MYRIP: variants seen among roughly 807,000 people sequenced by gnomAD.
The protein encoded by MYRIP is myosin VIIA and Rab interacting protein.
Under a neutral mutation model 98.0 loss-of-function variants are expected in MYRIP, and 49 were observed. The observed-to-expected ratio is 0.50, with a 90% confidence interval of 0.40 to 0.63. The LOEUF is 0.63. Among genes scored for constraint, MYRIP ranks in the 30% least tolerant of loss-of-function variants. The pLI, the probability that MYRIP is intolerant of heterozygous loss-of-function variation, is 0.00. For missense variants in MYRIP, 1,004 were observed against 1,058.2 expected (o/e 0.95, Z 0.71); for synonymous variants, 404 against 409.5 (o/e 0.99, Z 0.16).
intron 11 of MYRIP, among the ~76,000 whole-genome samples, chr3:40,230,745 G>T (rs1952628452): frequency 6.6e-6 from 1 of 152,054 alleles, no homozygotes; most frequent in African/African-American, 2.4e-5. Flanking sequence ...CTTTCCCAGT[G>T]GAAAGCAAAA....
intron 3 of MYRIP, among the ~76,000 whole-genome samples, chr3:40,052,382 G>A (rs1448008960): frequency 6.6e-6 from 1 of 152,086 alleles, no homozygotes; most frequent in Admixed American, 6.6e-5. Context: ...TCCACAGTAT[G>A]CTTTAGAGAT....
At chr3:39,872,443 C>T (rs1039353970) in intron 1 of MYRIP, among the ~76,000 whole-genome samples, 2 of 151,436 alleles carry the variant, frequency 1.3e-5, no homozygotes, top group Admixed American at 6.6e-5. Flanking sequence ...CCCATTAACT[C>T]GTCATTTAGC....
At chr3:40,143,047 C>T (rs1163872269) in intron 3 of MYRIP, among the ~76,000 whole-genome samples, 1 of 152,182 alleles carries the variant, frequency 6.6e-6, no homozygotes, top group African/African-American at 2.4e-5. Flanking sequence ...CCCAAGATGC[C>T]TTTGACCTGG....
intron 2 of MYRIP, among the ~76,000 whole-genome samples, chr3:39,930,368 C>A (rs1291694405): frequency 1.3e-5 from 2 of 151,878 alleles, no homozygotes; most frequent in Non-Finnish European, 2.9e-5. Flanking sequence ...TGTTCAGATC[C>A]TCTACTCATT....
At chr3:39,977,239 G>C (rs912267847) in intron 2 of MYRIP, among the ~76,000 whole-genome samples, 2 of 152,082 alleles carry the variant, frequency 1.3e-5, no homozygotes, top group African/African-American at 4.8e-5. Context: ...TGTGCATTAA[G>C]GGGGAGTCCA....
At chr3:39,987,513 A>G (rs1318576391) in intron 2 of MYRIP, among the ~76,000 whole-genome samples, 3 of 152,194 alleles carry the variant, frequency 2.0e-5, no homozygotes, top group Non-Finnish European at 4.4e-5. Flanking sequence ...TCCTTTGGTT[A>G]TATACCCAGT....
intron 3 of MYRIP, among the ~76,000 whole-genome samples, chr3:40,134,567 G>A (rs1024769087): frequency 9.9e-5 from 15 of 152,222 alleles, no homozygotes; most frequent in African/African-American, 3.6e-4. Flanking sequence ...TGAGATCTGA[G>A]AACAGGCAGA....
chr3:40,083,860 G>A (rs568770697), intron 3 of MYRIP, among the ~76,000 whole-genome samples: 39 of 152,176 alleles, frequency 2.6e-4, no homozygotes, highest in Admixed American at 4.6e-4. Context: ...ATTCTCGGCC[G>A]GGCGCGGTGG....
At chr3:39,811,628 G>A (rs1459092740) in intron 1 of MYRIP, among the ~76,000 whole-genome samples, 2 of 151,862 alleles carry the variant, frequency 1.3e-5, no homozygotes, top group Admixed American at 6.6e-5. Context: ...TGGGCCAGAA[G>A]CTGTGTCTGT....
intron 3 of MYRIP, among the ~76,000 whole-genome samples, chr3:40,130,471 G>A (rs1002158977): frequency 1.3e-5 from 2 of 149,728 alleles, no homozygotes; most frequent in South Asian, 2.1e-4. Flanking sequence ...TCCGCCTCCC[G>A]GGTTCACGCC....
In MYRIP at chr3:39,895,795, G is replaced by T. The variant is rs76303071; in HGVS notation, c.-30-4992G>T. On this transcript the variant is annotated intron_variant, in intron 1 of 16. Coordinates refer to ENST00000302541, the MANE Select transcript of MYRIP (RefSeq NM_015460.4). ...GACAGTTTTGAAAAATAAAAATGAT[G>T]AGAGATGATTTGCAATACTAGGTTT... Among the ~76,000 whole-genome samples, 1,402 of 152,278 alleles carry T rather than the reference G, an allele frequency of 9.2e-3. 26 individuals carry two copies. The highest frequency in any genetic ancestry group is 0.032 in the African/African-American group (1,326 of 41,548).
intron 2 of MYRIP, among the ~76,000 whole-genome samples, chr3:39,905,916 T>A (rs1447110401): frequency 6.6e-6 from 1 of 152,250 alleles, no homozygotes; most frequent in East Asian, 1.9e-4. Flanking sequence ...CAGAGGCCAT[T>A]AAGTGTTTGC....
intron 1 of MYRIP, among the ~76,000 whole-genome samples, chr3:39,838,285 C>T (rs1008296016): frequency 6.6e-6 from 1 of 152,116 alleles, no homozygotes; most frequent in African/African-American, 2.4e-5. Flanking sequence ...TTGTCTTGTG[C>T]CGGTTTTCAA....
chr3:40,176,908 C>CAA (rs143992737), intron 8 of MYRIP, among the ~76,000 whole-genome samples: 3,030 of 108,940 alleles, frequency 0.028, 150 homozygotes, highest in African/African-American at 0.11. Flanking sequence ...AACTCCATCT[C>CAA]AAAAAAAAAA....
chr3:40,185,205 G>T (rs1950996476), intron 9 of MYRIP, among the ~76,000 whole-genome samples: 1 of 152,166 alleles, frequency 6.6e-6, no homozygotes, highest in African/African-American at 2.4e-5. Flanking sequence ...GTGCACAGTT[G>T]GGGTCAGTCT....
chr3:40,160,578 C>A (rs888464603), intron 4 of MYRIP, among the ~76,000 whole-genome samples: 33 of 152,088 alleles, frequency 2.2e-4, no homozygotes, highest in Non-Finnish European at 1.0e-4. Flanking sequence ...CAATGGCGGG[C>A]GCCCCTCCCC....
At chr3:39,856,579 A>C (rs1014020682) in intron 1 of MYRIP, among the ~76,000 whole-genome samples, 1 of 152,182 alleles carries the variant, frequency 6.6e-6, no homozygotes, top group African/African-American at 2.4e-5. Context: ...CGATCCCAAC[A>C]AGCAGCCCCT....
intron 11 of MYRIP, among the ~76,000 whole-genome samples, chr3:40,210,656 A>G (rs1478947593): frequency 6.6e-6 from 1 of 152,146 alleles, no homozygotes; most frequent in African/African-American, 2.4e-5. Flanking sequence ...TGTTTCACAC[A>G]GAAAAAAATT....
At chr3:40,033,633 TG>T (rs1947310098) in intron 2 of MYRIP, among the ~76,000 whole-genome samples, 1 of 152,208 alleles carries the variant, frequency 6.6e-6, no homozygotes, top group African/African-American at 2.4e-5. Context: ...ATCATAAAAA[TG>T]GCCATACTGC....
Sources: gnomAD v4.1 joint callset for allele counts (sites outside exome capture counted in the v4.1 genomes callset) on GRCh38, gnomAD v4.1.1 for gene constraint, MANE v1.5 for transcripts, NCBI Gene and HGNC (gene_info 2026-07-23, HGNC 2026-07-21) for gene names.